The following MYO6 variants were observed in gnomAD, a reference collection of about 807,000 sequenced individuals.
MYO6 encodes unconventional myosin-VI.
MYO6 carries 74 observed loss-of-function variants against 178.7 expected under a neutral mutation model. The observed-to-expected ratio is 0.41, with a 90% CI of 0.34 to 0.50. The LOEUF is 0.50. MYO6 is among the 20% of genes least tolerant of loss of function. The pLI is 0.09. For synonymous variants in MYO6, 477 were observed against 504.6 expected (o/e 0.95, Z 0.73); for missense variants, 1,330 against 1,547.4 (o/e 0.86, Z 2.36).
chr6:75,847,528 C>G (rs893689543), intron 10 of MYO6, among the ~76,000 whole-genome samples: 11 of 151,602 alleles, frequency 7.3e-5, no homozygotes, highest in Non-Finnish European at 1.0e-4. Flanking sequence ...TTTTTTTCTT[C>G]TGAGTTGGTA....
chr6:75,799,136 C>T (rs542228359), intron 1 of MYO6, among the ~76,000 whole-genome samples: 2 of 152,152 alleles, frequency 1.3e-5, no homozygotes, highest in African/African-American at 4.8e-5. Context: ...TGTCTGTAAT[C>T]CCAGCACTTT....
intron 7 of MYO6, among the ~76,000 whole-genome samples, chr6:75,838,828 A>G (rs879812210): frequency 4.0e-5 from 6 of 150,900 alleles, no homozygotes; most frequent in Admixed American, 6.6e-5. Context: ...TGCCTGGCTA[A>G]TTTTTGTATT....
At chr6:75,913,012 A>G (rs901255901) in intron 33 of MYO6, among the ~76,000 whole-genome samples, 1 of 152,168 alleles carries the variant, frequency 6.6e-6, no homozygotes, top group Non-Finnish European at 1.5e-5. Flanking sequence ...CAGTATTTGC[A>G]AATTCTTACA....
At chr6:75,837,632 A>G (rs1037373194) in intron 7 of MYO6, among the ~76,000 whole-genome samples, 2 of 152,244 alleles carry the variant, frequency 1.3e-5, no homozygotes, top group Non-Finnish European at 2.9e-5. Context: ...ATTTTTCACA[A>G]TGATGTAAAA....
intron 11 of MYO6, among the ~76,000 whole-genome samples, chr6:75,853,045 T>A (rs780499266): frequency 1.3e-5 from 2 of 152,132 alleles, no homozygotes; most frequent in Admixed American, 6.5e-5. Context: ...GGGTGTGACG[T>A]GTTATCTTTT....
chr6:75,867,792 A>G (rs1278002644), intron 18 of MYO6, among the ~76,000 whole-genome samples: 1 of 152,188 alleles, frequency 6.6e-6, no homozygotes, highest in African/African-American at 2.4e-5. Context: ...TCAGGAATTT[A>G]TTCTTCAAGG....
At chr6:75,859,968 CCTT>C (rs1323501416) in intron 14 of MYO6, among the ~76,000 whole-genome samples, 1 of 152,060 alleles carries the variant, frequency 6.6e-6, no homozygotes, top group Non-Finnish European at 1.5e-5. Flanking sequence ...CTGTAGCTCC[CCTT>C]CTTCAGGTCT....
chr6:75,829,907 G>A (rs536312050), intron 4 of MYO6, among the ~76,000 whole-genome samples: 1 of 152,318 alleles, frequency 6.6e-6, no homozygotes, highest in South Asian at 2.1e-4. Context: ...GGCATTCAGT[G>A]ATAGGGATGG....
At chr6:75,894,135 A>T (rs3798430) in intron 28 of MYO6, among the ~76,000 whole-genome samples, 1 of 152,064 alleles carries the variant, frequency 6.6e-6, no homozygotes, top group Non-Finnish European at 1.5e-5. Context: ...ATCAAGCTTT[A>T]TATTTATGCA....
chr6:75,817,197 C>T (rs914788300), intron 1 of MYO6, among the ~76,000 whole-genome samples: 4 of 151,028 alleles, frequency 2.6e-5, no homozygotes, highest in Admixed American at 6.6e-5. Context: ...CCCAGCTACT[C>T]GGGAGGCTGA....
rs1363453647 is a variant in MYO6 at position 75,815,470 on chromosome 6, A to G, written c.-47-2031A>G. Among the ~76,000 whole-genome samples, 3 of 152,194 alleles carry G rather than the reference A, an allele frequency of 2.0e-5. No individual in the cohort carries two copies. In the East Asian group the frequency reaches 5.8e-4, roughly 29 times the overall value. On this transcript the variant is annotated intron_variant, in intron 1 of 34. Transcript: ENST00000369977. Reference sequence around the variant, plus strand: ...GGCTAGAGCAACAACTTTGAGCATCACTCATACATAAATGGTATTTAAAGC... The same window carrying G: ...GGCTAGAGCAACAACTTTGAGCATCGCTCATACATAAATGGTATTTAAAGC...
intron 15 of MYO6, 108 bp from the exon 16 acceptor site, chr6:75,862,488 T>C: frequency 1.3e-5 from 13 of 970,508 alleles, no homozygotes; most frequent in Non-Finnish European, 2.1e-5. Flanking sequence ...AATCACATGC[T>C]ATGTTGTTTC....
rs1326687680 is a variant in MYO6, at chr6:75,881,573, CAT to C, written c.2287-115_2287-114del. ...TCTCTGCCAAGGCCTATGTAATTGA[CAT>C]GTGACCATTTTCAGACAGTTAGATT... On this transcript the variant is annotated intron_variant, in intron 22 of 34. Transcript: ENST00000369977. 3 of 1,020,430 alleles carry C rather than the reference CAT, an allele frequency of 2.9e-6. No individual in the cohort carries two copies. In the African/African-American group the frequency reaches 4.8e-5, roughly 16 times the overall value. The allele number at this position is 1,020,430 out of a possible 1,614,324, so 63.2% of individuals were successfully genotyped here. A position where few individuals can be genotyped will look rare whatever the true frequency, so the allele number is the denominator to read the frequency against.
intron 11 of MYO6, among the ~76,000 whole-genome samples, chr6:75,851,795 C>T (rs1017176663): frequency 4.6e-5 from 7 of 152,040 alleles, no homozygotes; most frequent in East Asian, 1.9e-4. Flanking sequence ...GAGCCATGAT[C>T]GCACCACTGC....
At position 75,866,637 on chromosome 6, in the gene MYO6, A is replaced by G; in HGVS notation, c.1770+16A>G. On this transcript the variant is annotated intron_variant, in intron 17 of 34. Transcript: ENST00000369977. ...CTATGAAACAGTGAGTATAACTTTT[A>G]CAAGGAGAAAACCATTTCATGTTGA... 1 of 1,597,990 alleles carries G rather than the reference A, an allele frequency of 6.3e-7. No homozygotes were observed. Among genetic ancestry groups the G allele is most frequent in the Non-Finnish European group, 8.6e-7 (1 of 1,165,176 alleles).
chr6:75,871,202 G>T (rs534635522), intron 19 of MYO6, among the ~76,000 whole-genome samples: 1 of 152,314 alleles, frequency 6.6e-6, no homozygotes, highest in African/African-American at 2.4e-5. Context: ...AATGAAGCAT[G>T]ATTCCAAAGT....
At chr6:75,783,798 G>C (rs1451914078) in intron 1 of MYO6, among the ~76,000 whole-genome samples, 1 of 152,022 alleles carries the variant, frequency 6.6e-6, no homozygotes, top group African/African-American at 2.4e-5. Context: ...ATAATTACAT[G>C]ACCTTTATTT....
At chr6:75,868,911 T>C (rs1212078121) in intron 18 of MYO6, among the ~76,000 whole-genome samples, 1 of 152,056 alleles carries the variant, frequency 6.6e-6, no homozygotes, top group African/African-American at 2.4e-5. Context: ...AATATTTGTA[T>C]GTTTTCAAAT....
intron 1 of MYO6, among the ~76,000 whole-genome samples, chr6:75,811,522 C>T (rs928425626): frequency 2.6e-5 from 4 of 152,124 alleles, no homozygotes; most frequent in African/African-American, 9.7e-5. Flanking sequence ...AAATTTGTTA[C>T]CTTAACTGGG....
Sources: gnomAD v4.1 joint callset for allele counts (sites outside exome capture counted in the v4.1 genomes callset) on GRCh38, gnomAD v4.1.1 for gene constraint, MANE v1.5 for transcripts, NCBI Gene and HGNC (gene_info 2026-07-23, HGNC 2026-07-21) for gene names.